Variants in TRERF1 observed in about 807,000 individuals in gnomAD.
TRERF1 encodes transcriptional regulating factor 1, also known as transcriptional-regulating factor 1.
TRERF1 carries 27 observed loss-of-function variants against 122.9 expected under a neutral mutation model. The observed-to-expected ratio is 0.22, with a 90% CI of 0.16 to 0.30. The LOEUF is 0.30. Ranked by LOEUF, TRERF1 falls within the 10% of genes least tolerant of loss-of-function variation. The pLI is 1.00. For synonymous variants in TRERF1, 636 were observed against 641.7 expected (o/e 0.99, Z 0.13); for missense variants, 1,248 against 1,560.3 (o/e 0.80, Z 3.37).
intron 17 of TRERF1, among the ~76,000 whole-genome samples, chr6:42,231,530 G>T (rs896216306): frequency 3.3e-5 from 5 of 152,172 alleles, no homozygotes; most frequent in Admixed American, 3.3e-4. Context: ...TGTTTTCGTG[G>T]TAGAGTTTCA....
At position 42,263,600 on chromosome 6, in the gene TRERF1, C is replaced by T; in HGVS notation, c.1636-32G>A. The T allele has an allele frequency of 1.4e-6, 2 of 1,466,598 alleles. No homozygotes were observed. The highest frequency in any genetic ancestry group is 1.8e-6 in the Non-Finnish European group (2 of 1,105,054). The allele number at this position is 1,466,598 out of a possible 1,614,324, so 90.8% of individuals were successfully genotyped here. ...AGACAATAAAGGCTTTGATCCTGGG[C>T]TGAGAGCAGCTCTCACAAGGGGGAT... On this transcript the variant is annotated intron_variant, in intron 7 of 17. Transcript: ENST00000372922. This position sits in a 1 kb window ranked among gnomAD's most constrained non-coding sequence, Gnocchi z 5.6.
At chr6:42,277,155 G>A (rs758307362) in intron 4 of TRERF1, among the ~76,000 whole-genome samples, 12 of 152,164 alleles carry the variant, frequency 7.9e-5, no homozygotes, top group Non-Finnish European at 1.5e-4. Flanking sequence ...GGAGAGAAGT[G>A]GGAGCTGCAG....
intron 2 of TRERF1, among the ~76,000 whole-genome samples, chr6:42,376,317 T>TCTAAGC (rs1774849590): frequency 6.6e-6 from 1 of 152,214 alleles, no homozygotes; most frequent in Non-Finnish European, 1.5e-5. Flanking sequence ...AGCAGCCACA[T>TCTAAGC]ATCCGCTTAG....
intron 15 of TRERF1, among the ~76,000 whole-genome samples, chr6:42,242,617 C>A (rs184381588): frequency 2.0e-5 from 3 of 152,294 alleles, no homozygotes; most frequent in Non-Finnish European, 4.4e-5. Context: ...ATACAGGGTT[C>A]AGAGACTAGT....
chr6:42,240,504 CT>C (rs1773442336), intron 15 of TRERF1, among the ~76,000 whole-genome samples: 3 of 152,242 alleles, frequency 2.0e-5, no homozygotes, highest in African/African-American at 7.2e-5. Flanking sequence ...GGCTAGGAAT[CT>C]TTGTGCTTCC....
intron 4 of TRERF1, among the ~76,000 whole-genome samples, chr6:42,285,152 T>C (rs1782974374): frequency 6.6e-6 from 1 of 152,222 alleles, no homozygotes; most frequent in Non-Finnish European, 1.5e-5. Context: ...TCCTCTTTTA[T>C]TTCCTTGAGC....
intron 2 of TRERF1, among the ~76,000 whole-genome samples, chr6:42,444,051 C>T (rs933244368): frequency 4.0e-5 from 6 of 151,158 alleles, no homozygotes; most frequent in African/African-American, 1.5e-4. Flanking sequence ...AGCTGGATCT[C>T]AATCCAGCTC....
chr6:42,386,057 GAA>G (rs1411307016), intron 2 of TRERF1, among the ~76,000 whole-genome samples: 2 of 152,120 alleles, frequency 1.3e-5, no homozygotes, highest in Non-Finnish European at 2.9e-5. Flanking sequence ...TTTTGGGATA[GAA>G]AAAAAGCAGA....
At chr6:42,398,107 T>C (rs1778885942) in intron 2 of TRERF1, among the ~76,000 whole-genome samples, 1 of 152,234 alleles carries the variant, frequency 6.6e-6, no homozygotes, top group African/African-American at 2.4e-5. Context: ...GCAGGGGCCC[T>C]GAAGTCAGAG....
rs555912424 is a variant in TRERF1 at position 42,333,549 on chromosome 6, C to A, written c.-371+29448G>T. On this transcript the variant is annotated intron_variant, in intron 3 of 17. Transcript: ENST00000372922. ...CAGTCAGAGGCTGCCCTGCACCCTG[C>A]GCAGCTGGAGAAAGGCTTGGGCTTG... 2.6e-5 allele frequency among the ~76,000 whole-genome samples: 4 copies of A among 152,346 alleles called. No homozygotes were observed. In the East Asian group the frequency reaches 7.7e-4, roughly 29 times the overall value.
intron 3 of TRERF1, among the ~76,000 whole-genome samples, chr6:42,338,268 A>G (rs1368415322): frequency 6.6e-6 from 1 of 152,020 alleles, no homozygotes; most frequent in Admixed American, 6.5e-5. Flanking sequence ...GGCACAGGAG[A>G]GAGGGAAGGA....
chr6:42,240,197 T>A (rs769609573), intron 15 of TRERF1, among the ~76,000 whole-genome samples: 3 of 152,238 alleles, frequency 2.0e-5, no homozygotes, highest in Non-Finnish European at 4.4e-5. Flanking sequence ...AAGGAATGTT[T>A]ATGAATCAGA....
chr6:42,295,640 A>G (rs1201673838), intron 4 of TRERF1, among the ~76,000 whole-genome samples: 1 of 152,216 alleles, frequency 6.6e-6, no homozygotes, highest in Non-Finnish European at 1.5e-5. Flanking sequence ...ATTGAAGGGC[A>G]TCGTGTTTTT....
At chr6:42,352,865 A>G (rs1769730725) in intron 3 of TRERF1, among the ~76,000 whole-genome samples, 1 of 152,252 alleles carries the variant, frequency 6.6e-6, no homozygotes, top group African/African-American at 2.4e-5. Flanking sequence ...TATCAGATTT[A>G]TACATTTAAA....
chr6:42,243,190 C>A, intron 15 of TRERF1, 58 bp downstream of exon 15: 1 of 1,445,928 alleles, frequency 6.9e-7, no homozygotes, highest in Admixed American at 1.7e-5. Context: ...TACTTACTAA[C>A]CTGGGCCTGG....
At chr6:42,348,658 C>T (rs902240237) in intron 3 of TRERF1, among the ~76,000 whole-genome samples, 2 of 152,128 alleles carry the variant, frequency 1.3e-5, no homozygotes, top group Non-Finnish European at 2.9e-5. Context: ...TTACCGGGGA[C>T]GATCCACGTA....
chr6:42,351,626 C>T (rs909435287), intron 3 of TRERF1, among the ~76,000 whole-genome samples: 3 of 152,166 alleles, frequency 2.0e-5, no homozygotes, highest in African/African-American at 7.2e-5. Context: ...AATATTTATG[C>T]TTCTCTTTCC....
At chr6:42,298,599 GT>G (rs1435132716) in intron 4 of TRERF1, among the ~76,000 whole-genome samples, 1 of 148,240 alleles carries the variant, frequency 6.7e-6, no homozygotes, top group African/African-American at 2.5e-5. Context: ...GAGGTCAGGA[GT>G]TCGAGACCAG....
chr6:42,358,295 G>A (rs1455319010), intron 3 of TRERF1, among the ~76,000 whole-genome samples: 1 of 152,220 alleles, frequency 6.6e-6, no homozygotes, highest in East Asian at 1.9e-4. Context: ...CTAAGTTAAT[G>A]ACTGCAGGGT....
Sources: allele counts gnomAD v4.1 joint callset (sites outside exome capture counted in the v4.1 genomes callset), GRCh38; gene constraint gnomAD v4.1.1; non-coding constraint Gnocchi (gnomAD v3.1); transcripts MANE v1.5; gene names NCBI Gene and HGNC (gene_info 2026-07-23, HGNC 2026-07-21).